Variants in DACH2 observed in about 807,000 individuals in gnomAD.
The protein encoded by DACH2 is dachshund homolog 2.
In DACH2, 17 loss-of-function variants were observed where a neutral mutation model predicts 35.8. The observed-to-expected ratio is 0.48, with a 90% CI of 0.33 to 0.71. DACH2 has a LOEUF of 0.71. Among genes scored for constraint, DACH2 ranks in the 30% least tolerant of loss-of-function variants. DACH2 has a pLI of 0.02. For synonymous variants in DACH2, 195 were observed against 177.3 expected (o/e 1.10, Z -0.79); for missense variants, 469 against 472.7 (o/e 0.99, Z 0.07).
chrX:86,778,799 C>CG (rs1423305206), intron 7 of DACH2, among the ~76,000 whole-genome samples: 1 of 110,740 alleles, frequency 9.0e-6, no homozygotes, highest in African/African-American at 3.3e-5. Context: ...TTAGTAGAGA[C>CG]GGGGTTTCAC....
At chrX:86,321,937 G>C (rs1369512639) in intron 1 of DACH2, among the ~76,000 whole-genome samples, 1 of 111,307 alleles carries the variant, frequency 9.0e-6, no homozygotes, top group Non-Finnish European at 1.9e-5. Context: ...TGTAGGAGTA[G>C]TATTGAAACT....
chrX:86,153,276 G>A (rs1165736649), intron 1 of DACH2, among the ~76,000 whole-genome samples: 1 of 111,418 alleles, frequency 9.0e-6, no homozygotes, highest in Non-Finnish European at 1.9e-5. Context: ...ATTTCCAATT[G>A]TGGTTTCTTG....
At chrX:86,814,365 A>G (rs771940397) in intron 9 of DACH2, among the ~76,000 whole-genome samples, 18 of 112,297 alleles carry the variant, frequency 1.6e-4, no homozygotes, top group Non-Finnish European at 2.6e-4. Context: ...TTAAAGAATC[A>G]TTAAATGCAT....
chrX:86,649,862 C>A (rs1569459881), intron 3 of DACH2, among the ~76,000 whole-genome samples: 1 of 110,773 alleles, frequency 9.0e-6, no homozygotes, highest in East Asian at 2.8e-4. Flanking sequence ...TTTTGAAAAA[C>A]CAATATTTGC....
intron 3 of DACH2, among the ~76,000 whole-genome samples, chrX:86,606,125 C>T (rs182008362): frequency 8.1e-5 from 9 of 110,897 alleles, no homozygotes; most frequent in Admixed American, 1.9e-4. Flanking sequence ...ATGGTAATCA[C>T]GTCTTGTAGA....
At chrX:86,431,360 G>A (rs955808710) in intron 2 of DACH2, among the ~76,000 whole-genome samples, 1 of 111,948 alleles carries the variant, frequency 8.9e-6, no homozygotes, top group Middle Eastern at 4.6e-3. Context: ...AGGGAAAAAA[G>A]CAAAATGAAA....
chrX:86,779,231 G>C (rs1247575730), intron 7 of DACH2, among the ~76,000 whole-genome samples: 2 of 111,707 alleles, frequency 1.8e-5, no homozygotes, highest in African/African-American at 6.5e-5. Context: ...TTTAAAATAA[G>C]GTGACCATAA....
intron 2 of DACH2, among the ~76,000 whole-genome samples, chrX:86,462,579 G>A (rs2037594335): frequency 2.7e-5 from 3 of 111,150 alleles, no homozygotes; most frequent in South Asian, 7.4e-4. Context: ...GAGAATTGCA[G>A]AATACCTAAT....
At chrX:86,535,372 A>T in intron 3 of DACH2, among the ~76,000 whole-genome samples, 1 of 111,725 alleles carries the variant, frequency 9.0e-6, no homozygotes, top group East Asian at 2.8e-4. Flanking sequence ...AACCAAAAGT[A>T]ATATTCTAAG....
intron 1 of DACH2, among the ~76,000 whole-genome samples, chrX:86,193,356 G>C (rs893734384): frequency 2.7e-5 from 3 of 111,451 alleles, no homozygotes; most frequent in Non-Finnish European, 5.7e-5. Context: ...AAGATAAGCA[G>C]GTTTTACTTA....
At chrX:86,686,333 A>C (rs941412088) in intron 4 of DACH2, among the ~76,000 whole-genome samples, 3 of 110,789 alleles carry the variant, frequency 2.7e-5, no homozygotes, top group Non-Finnish European at 5.7e-5. Context: ...CCTGGGTTCA[A>C]GCAATTCTCC....
chrX:86,667,267 GAGAA>G (rs1462268299), intron 4 of DACH2, among the ~76,000 whole-genome samples: 1 of 75,279 alleles, frequency 1.3e-5, no homozygotes, highest in African/African-American at 5.2e-5. Context: ...GAAAGAGAGA[GAGAA>G]AGAGAGAGAG....
At chrX:86,671,712 G>A (rs751679535) in intron 4 of DACH2, among the ~76,000 whole-genome samples, 1 of 111,855 alleles carries the variant, frequency 8.9e-6, no homozygotes, top group South Asian at 3.7e-4. Flanking sequence ...TCCAGTCTCA[G>A]GTATTTCTTT....
rs1442669705 is a variant in DACH2 at position 86,529,981 on chromosome X, A to ACGCG, written c.640+15591_640+15592insGCGC. On this transcript the variant is annotated intron_variant, in intron 3 of 11. Coordinates refer to ENST00000373125, the MANE Select transcript of DACH2 (RefSeq NM_053281.3). ...CACACACACACACACACACACGCAC[A>ACGCG]CACACACACACACACACACACACAA... Among the ~76,000 whole-genome samples the ACGCG allele has an allele frequency of 8.9e-5, 9 of 101,408 alleles. No individual in the cohort carries two copies. The East Asian group carries it at 1.2e-3, about 14-fold the overall frequency. The allele number at this position is 101,408 out of a possible 115,157, so 88.1% of individuals were successfully genotyped here.
At chrX:86,451,417 G>A (rs2037375549) in intron 2 of DACH2, among the ~76,000 whole-genome samples, 1 of 111,179 alleles carries the variant, frequency 9.0e-6, no homozygotes, top group Admixed American at 9.6e-5. Context: ...ATTGGTCTAT[G>A]TGTCATTTCT....
chrX:86,791,922 T>C (rs1424762667), intron 7 of DACH2, among the ~76,000 whole-genome samples: 4 of 112,011 alleles, frequency 3.6e-5, no homozygotes, highest in Admixed American at 2.9e-4. Flanking sequence ...TACAGATTAT[T>C]TGATTACTGA....
At chrX:86,445,207 C>T (rs955840993) in intron 2 of DACH2, among the ~76,000 whole-genome samples, 6 of 108,921 alleles carry the variant, frequency 5.5e-5, no homozygotes, top group African/African-American at 1.3e-4. Context: ...TATGCTGTTT[C>T]GAATTTCACT....
chrX:86,664,742 CAGG>C (rs990489727), intron 4 of DACH2, among the ~76,000 whole-genome samples: 2 of 112,132 alleles, frequency 1.8e-5, no homozygotes, highest in Non-Finnish European at 3.8e-5. Context: ...TTAGCAGATG[CAGG>C]AGGATTCTGC....
intron 1 of DACH2, among the ~76,000 whole-genome samples, chrX:86,249,475 G>T (rs764274937): frequency 1.2e-4 from 13 of 111,563 alleles, no homozygotes; most frequent in Non-Finnish European, 1.7e-4. Context: ...GTTCACTAGA[G>T]AAATGTAAAT....
Sources: allele counts gnomAD v4.1 joint callset (sites outside exome capture counted in the v4.1 genomes callset), GRCh38; gene constraint gnomAD v4.1.1; transcripts MANE v1.5; gene names NCBI Gene and HGNC (gene_info 2026-07-23, HGNC 2026-07-21).